The following MYO3B variants were observed in gnomAD, a reference collection of about 807,000 sequenced individuals.
MYO3B encodes myosin IIIB, also known as myosin-IIIb.
In MYO3B, 156 loss-of-function variants were observed where a neutral mutation model predicts 174.6. The ratio of observed to expected loss-of-function variants is 0.89; its 90% CI spans 0.78 to 1.02. The LOEUF (loss-of-function observed/expected upper bound fraction) is 1.02. Ranked by LOEUF, MYO3B falls within the 50% of genes least tolerant of loss-of-function variation. The probability of loss-of-function intolerance (pLI) is 0.00; values close to 1 mark genes in which losing one functional copy is unlikely to be tolerated. For synonymous variants in MYO3B, 563 were observed against 569.1 expected, an observed-to-expected ratio of 0.99 and a Z score of 0.15; for missense variants, 1,632 against 1,639.4, an observed-to-expected ratio of 1.00 and a Z score of 0.08.
chr2:170,416,064 T>G (rs532692080), intron 22 of MYO3B, among the ~76,000 whole-genome samples: 40 of 152,258 alleles, frequency 2.6e-4, no homozygotes, highest in Middle Eastern at 3.4e-3. Context: ...TAAATGATGT[T>G]CTTATAAAAA....
chr2:170,419,041 G>C (rs2094598805), intron 22 of MYO3B, among the ~76,000 whole-genome samples: 7 of 152,190 alleles, frequency 4.6e-5, no homozygotes, highest in Admixed American at 3.3e-4. Flanking sequence ...AAGTGCTACT[G>C]TCTCACTGGG....
chr2:170,409,127 C>T (rs971942483), intron 22 of MYO3B, among the ~76,000 whole-genome samples: 1 of 152,238 alleles, frequency 6.6e-6, no homozygotes, highest in African/African-American at 2.4e-5. Flanking sequence ...GCATTTACAT[C>T]CTCCCACAAA....
chr2:170,193,827 CTTAATT>C (rs1427538614), intron 1 of MYO3B, among the ~76,000 whole-genome samples: 1 of 151,858 alleles, frequency 6.6e-6, no homozygotes, highest in East Asian at 1.9e-4. Flanking sequence ...GCTTGGTTAC[CTTAATT>C]TTAAAGAGGA....
At chr2:170,571,431 G>A (rs755827467) in intron 32 of MYO3B, among the ~76,000 whole-genome samples, 1 of 152,050 alleles carries the variant, frequency 6.6e-6, no homozygotes, top group African/African-American at 2.4e-5. Flanking sequence ...GCTGAGTTCT[G>A]AGGAATGGCA....
intron 8 of MYO3B, chr2:170,341,094 C>G (rs749975808): frequency 3.9e-5 from 6 of 152,200 alleles, no homozygotes; most frequent in Non-Finnish European, 7.3e-5. Context: ...ACTACTAAGA[C>G]TAATGGTCAT....
At chr2:170,284,182 C>G (rs921282352) in intron 7 of MYO3B, among the ~76,000 whole-genome samples, 3 of 152,120 alleles carry the variant, frequency 2.0e-5, no homozygotes, top group Admixed American at 6.6e-5. Context: ...GAGGAAATGC[C>G]TCTAATTATG....
chr2:170,309,955 T>C (rs2093726524), intron 7 of MYO3B, among the ~76,000 whole-genome samples: 1 of 152,208 alleles, frequency 6.6e-6, no homozygotes, highest in Non-Finnish European at 1.5e-5. Context: ...ACTATCAATC[T>C]GCATTCTGTC....
Position 170,178,262 on chromosome 2 carries a change from A to G in MYO3B, c.-26A>G. 8 of 1,614,146 alleles carry G rather than the reference A, an allele frequency of 5.0e-6. No individual in the cohort carries two copies. The highest frequency in any genetic ancestry group is 6.8e-6 in the Non-Finnish European group (8 of 1,179,978). ...AGGAATGAGAATCCAATCTCTCATA[A>G]GCCGGATTCAGAAAATAGGTCATCG... On this transcript the variant is annotated 5_prime_UTR_variant, in exon 1 of 35. Transcript: ENST00000408978.
chr2:170,190,247 T>C (rs2092523660), intron 1 of MYO3B, among the ~76,000 whole-genome samples: 1 of 151,930 alleles, frequency 6.6e-6, no homozygotes, highest in East Asian at 1.9e-4. Context: ...GGGAGAGGGG[T>C]GACAGAAGTA....
chr2:170,411,637 G>A (rs1476732615), intron 22 of MYO3B: 1 of 152,226 alleles, frequency 6.6e-6, no homozygotes, highest in Non-Finnish European at 1.5e-5. Flanking sequence ...ACCTCGGTGT[G>A]TATATGTGCA....
At chr2:170,479,335 G>GTGTA (rs1004271823) in intron 25 of MYO3B, among the ~76,000 whole-genome samples, 3 of 146,472 alleles carry the variant, frequency 2.0e-5, no homozygotes, top group Non-Finnish European at 4.5e-5. Flanking sequence ...ATATGTATGT[G>GTGTA]TGTATGTATA....
intron 32 of MYO3B, among the ~76,000 whole-genome samples, chr2:170,559,602 A>G (rs1469934607): frequency 6.6e-6 from 1 of 152,232 alleles, no homozygotes; most frequent in Non-Finnish European, 1.5e-5. Flanking sequence ...TATATCTCTT[A>G]TTAAACAAAC....
At chr2:170,199,540 G>T in intron 2 of MYO3B, 149 bp downstream of exon 2, 1 of 654,954 alleles carries the variant, frequency 1.5e-6, no homozygotes, top group Non-Finnish European at 2.5e-6. Context: ...TCTGAATGAA[G>T]GGACTCCACT....
Position 170,620,542 on chromosome 2 carries a change from G to C in MYO3B, c.3734-31086G>C, listed in dbSNP as rs192120626. 7.2e-5 allele frequency among the ~76,000 whole-genome samples: 11 copies of C among 152,328 alleles called. No individual in the cohort carries two copies. In the East Asian group the frequency reaches 2.1e-3, roughly 29 times the overall value. Reference sequence around the variant, plus strand: ...CAAGTTAGCCTGCCCCATCTTCACAGAAACTAGCAGAAGGCATGAGATTCC... The same window carrying C: ...CAAGTTAGCCTGCCCCATCTTCACACAAACTAGCAGAAGGCATGAGATTCC... On this transcript the variant is annotated intron_variant, in intron 32 of 34. Transcript: ENST00000408978.
At chr2:170,311,898 G>C (rs1002631116) in intron 7 of MYO3B, among the ~76,000 whole-genome samples, 7 of 152,080 alleles carry the variant, frequency 4.6e-5, no homozygotes, top group Non-Finnish European at 8.8e-5. Context: ...CAACATTGTC[G>C]AAAATCAATC....
rs1265719613 is a variant in MYO3B, at chr2:170,653,414, G to A, written c.*293G>A. On this transcript the variant is annotated 3_prime_UTR_variant, in exon 35 of 35. Transcript: ENST00000408978. ...GTTTAAACAGTCATTCATGCCCCCA[G>A]TGTCTAGGAAGATAACAGCCAGTCT... The A allele has an allele frequency of 5.6e-6, 2 of 359,444 alleles. No individual in the cohort carries two copies. Among genetic ancestry groups the A allele is most frequent in the African/African-American group, 2.0e-5 (1 of 49,376 alleles). The allele number at this position is 359,444 out of a possible 1,614,324, so 22.3% of individuals were successfully genotyped here.
intron 1 of MYO3B, chr2:170,180,229 G>C (rs1167605435): frequency 2.4e-6 from 1 of 413,156 alleles, no homozygotes; most frequent in East Asian, 7.5e-5. Context: ...TTCAACAAGG[G>C]ATCAGACTAG....
At chr2:170,584,248 T>G (rs1693355608) in intron 32 of MYO3B, among the ~76,000 whole-genome samples, 1 of 152,252 alleles carries the variant, frequency 6.6e-6, no homozygotes, top group East Asian at 1.9e-4. Context: ...GAAAAAGTTA[T>G]GAAATTGAAG....
At chr2:170,569,146 C>T (rs1357683465) in intron 32 of MYO3B, among the ~76,000 whole-genome samples, 3 of 152,070 alleles carry the variant, frequency 2.0e-5, no homozygotes, top group African/African-American at 7.2e-5. Context: ...CATGACTACG[C>T]TTTCCTATTA....
Sources: allele counts gnomAD v4.1 joint callset (sites outside exome capture counted in the v4.1 genomes callset), GRCh38; gene constraint gnomAD v4.1.1; transcripts MANE v1.5; gene names NCBI Gene and HGNC (gene_info 2026-07-23, HGNC 2026-07-21).